Variants in LRRC7 observed in about 807,000 individuals in gnomAD.
The protein encoded by LRRC7 is leucine-rich repeat-containing protein 7.
LRRC7 carries 23 observed loss-of-function variants against 175.7 expected under a neutral mutation model. The ratio of observed to expected loss-of-function variants is 0.13; its 90% confidence interval spans 0.09 to 0.19. The LOEUF (loss-of-function observed/expected upper bound fraction) is 0.19, where lower values mean the gene tolerates loss of function less well. LRRC7 is among the 10% of genes least tolerant of loss of function. The pLI is 1.00. For missense variants in LRRC7, 1,354 were observed against 1,904.7 expected, an observed-to-expected ratio of 0.71 and a Z score of 5.38; for synonymous variants, 685 against 680.9, an observed-to-expected ratio of 1.01 and a Z score of -0.09.
intron 3 of LRRC7, among the ~76,000 whole-genome samples, chr1:69,785,857 T>G (rs1367981980): frequency 1.3e-5 from 2 of 152,184 alleles, no homozygotes; most frequent in Non-Finnish European, 2.9e-5. Context: ...ACTACCTCAC[T>G]CATTTTATTT....
intron 1 of LRRC7, among the ~76,000 whole-genome samples, chr1:69,602,203 ATCTT>A (rs1647101909): frequency 6.6e-6 from 1 of 152,246 alleles, no homozygotes; most frequent in African/African-American, 2.4e-5. Flanking sequence ...ATTTTCCAGA[ATCTT>A]TCTGTTTTCT....
intron 7 of LRRC7, among the ~76,000 whole-genome samples, chr1:69,847,513 T>G (rs1249412682): frequency 6.6e-6 from 1 of 152,078 alleles, no homozygotes; most frequent in East Asian, 1.9e-4. Flanking sequence ...CTCCTTGCTC[T>G]TTTCCACCCA....
chr1:69,960,146 T>G (rs545896939), intron 8 of LRRC7, among the ~76,000 whole-genome samples: 1 of 152,134 alleles, frequency 6.6e-6, no homozygotes, highest in Non-Finnish European at 1.5e-5. Context: ...TATTTATTAC[T>G]GTCTCAATTT....
chr1:69,881,056 C>T (rs1686552030), intron 7 of LRRC7, among the ~76,000 whole-genome samples: 2 of 152,194 alleles, frequency 1.3e-5, no homozygotes, highest in African/African-American at 4.8e-5. Context: ...GCACATGGGA[C>T]TTTGGATATA....
Position 70,129,851 on chromosome 1 carries a change from T to A in LRRC7, c.*7964T>A, listed in dbSNP as rs532214654. Among the ~76,000 whole-genome samples the A allele has an allele frequency of 1.2e-4, 18 of 152,352 alleles. 2 individuals are homozygous for A. Among genetic ancestry groups the A allele is most frequent in the African/African-American group, 4.3e-4 (18 of 41,592 alleles). ...CTGATCCTCTGAATCTGGAAATTGT[T>A]TTCTTTTCTTCACCCTATGCATACT... On this transcript the variant is annotated 3_prime_UTR_variant, in exon 27 of 27. Coordinates refer to ENST00000651989, the MANE Select transcript of LRRC7 (RefSeq NM_001370785.2).
intron 4 of LRRC7, among the ~76,000 whole-genome samples, chr1:69,812,172 G>C (rs1677969081): frequency 6.6e-6 from 1 of 152,084 alleles, no homozygotes; most frequent in Non-Finnish European, 1.5e-5. Context: ...AAGGTTGTTT[G>C]TATTTGACCT....
intron 1 of LRRC7, among the ~76,000 whole-genome samples, chr1:69,669,951 A>C (rs1375878552): frequency 6.6e-6 from 1 of 151,982 alleles, no homozygotes; most frequent in African/African-American, 2.4e-5. Flanking sequence ...CTCTTAGTTA[A>C]ATTTGTCTGA....
intron 18 of LRRC7, among the ~76,000 whole-genome samples, chr1:70,033,584 ATCC>A (rs200202377): frequency 0.027 from 4,083 of 152,264 alleles, 83 homozygotes; most frequent in Non-Finnish European, 0.041. Flanking sequence ...GCTGATAATC[ATCC>A]TCTCTTCCTG....
At chr1:69,687,520 C>CAA (rs551726376) in intron 2 of LRRC7, among the ~76,000 whole-genome samples, 3,289 of 96,806 alleles carry the variant, frequency 0.034, 97 homozygotes, top group African/African-American at 0.094. Flanking sequence ...AAGAAAAAAC[C>CAA]AAAAAAAAAA....
intron 2 of LRRC7, among the ~76,000 whole-genome samples, chr1:69,686,791 A>T (rs1397322258): frequency 6.6e-6 from 1 of 152,156 alleles, no homozygotes; most frequent in Non-Finnish European, 1.5e-5. Context: ...TGTAAATACC[A>T]TGGTTAAAAG....
At chr1:69,912,770 G>C (rs1194341680) in intron 7 of LRRC7, among the ~76,000 whole-genome samples, 2 of 152,130 alleles carry the variant, frequency 1.3e-5, no homozygotes, top group African/African-American at 4.8e-5. Context: ...ATAAAATTCA[G>C]GTTTCTCTTC....
At chr1:69,968,624 TA>T (rs1651901505) in intron 8 of LRRC7, among the ~76,000 whole-genome samples, 1 of 152,092 alleles carries the variant, frequency 6.6e-6, no homozygotes, top group Non-Finnish European at 1.5e-5. Flanking sequence ...CCCTACAAGC[TA>T]GAAGGGTTTG....
intron 2 of LRRC7, among the ~76,000 whole-genome samples, chr1:69,683,250 T>G (rs1477949728): frequency 2.0e-5 from 3 of 152,146 alleles, no homozygotes; most frequent in African/African-American, 7.2e-5. Context: ...TTTCAAGGCC[T>G]CTCAACTTGA....
chr1:69,846,613 G>A (rs1324129809), intron 7 of LRRC7, among the ~76,000 whole-genome samples: 3 of 151,950 alleles, frequency 2.0e-5, no homozygotes, highest in Non-Finnish European at 1.5e-5. Flanking sequence ...GCAGTCAAAA[G>A]GCCCTTGTTG....
At chr1:69,761,227 A>G (rs1671002208) in intron 3 of LRRC7, among the ~76,000 whole-genome samples, 1 of 151,954 alleles carries the variant, frequency 6.6e-6, no homozygotes, top group African/African-American at 2.4e-5. Flanking sequence ...TATACGGCTG[A>G]GAAGGGAAAA....
intron 11 of LRRC7, among the ~76,000 whole-genome samples, chr1:70,001,605 T>C (rs989992115): frequency 6.6e-6 from 1 of 152,178 alleles, no homozygotes; most frequent in East Asian, 1.9e-4. Flanking sequence ...TGACCGAAAA[T>C]ATTCTTATTC....
At chr1:69,916,926 G>T (rs1251663065) in intron 7 of LRRC7, among the ~76,000 whole-genome samples, 1 of 152,066 alleles carries the variant, frequency 6.6e-6, no homozygotes, top group Non-Finnish European at 1.5e-5. Flanking sequence ...TATTTTGGTT[G>T]GTGGAAAATG....
intron 23 of LRRC7, among the ~76,000 whole-genome samples, chr1:70,065,168 A>G (rs1452853876): frequency 6.6e-6 from 1 of 151,970 alleles, no homozygotes; most frequent in East Asian, 1.9e-4. Flanking sequence ...GGTACCTTGC[A>G]TAGGTGATAC....
Position 69,729,955 on chromosome 1 carries a change from C to T in LRRC7, c.101-30236C>T, listed in dbSNP as rs1034090599. Among the ~76,000 whole-genome samples, 5 of 152,322 alleles carry T rather than the reference C, an allele frequency of 3.3e-5. No individual in the cohort carries two copies. The South Asian group carries it at 8.3e-4, about 25-fold the overall frequency. ...AAGCGGAGGTTCCCAAACCTCAATT[C>T]TTGACTTCTAGGCACCTGCAGGCTC... On this transcript the variant is annotated intron_variant, in intron 2 of 26. Coordinates refer to ENST00000651989, the MANE Select transcript of LRRC7 (RefSeq NM_001370785.2).
Sources: gnomAD v4.1 joint callset for allele counts (sites outside exome capture counted in the v4.1 genomes callset) on GRCh38, gnomAD v4.1.1 for gene constraint, MANE v1.5 for transcripts, NCBI Gene and HGNC (gene_info 2026-07-23, HGNC 2026-07-21) for gene names.